The following FAM76A variants were observed in gnomAD, a reference collection of about 807,000 sequenced individuals.
FAM76A encodes family with sequence similarity 76 member A.
Under a neutral mutation model 46.2 loss-of-function variants are expected in FAM76A, and 32 were observed. The ratio of observed to expected loss-of-function variants is 0.69; its 90% CI spans 0.52 to 0.93. The LOEUF is 0.93. FAM76A is among the 40% of genes least tolerant of loss of function. FAM76A has a pLI of 0.00. For missense variants in FAM76A, 274 were observed against 361.5 expected, an observed-to-expected ratio of 0.76 and a Z score of 1.96; for synonymous variants, 137 against 127.0, an observed-to-expected ratio of 1.08 and a Z score of -0.53.
chr1:27,728,549 G>T (rs2087901484), intron 2 of FAM76A, among the ~76,000 whole-genome samples: 2 of 151,384 alleles, frequency 1.3e-5, no homozygotes, highest in African/African-American at 4.9e-5. Flanking sequence ...ATAAGATTTT[G>T]CCATGTTACC....
chr1:27,731,227 A>G (rs116503983), intron 2 of FAM76A, among the ~76,000 whole-genome samples: 4,062 of 133,950 alleles, frequency 0.03, 229 homozygotes, highest in African/African-American at 0.11. Context: ...TTTTTTCGAG[A>G]CACAGTTTTG....
chr1:27,734,976 C>T (rs2088020611), intron 4 of FAM76A, among the ~76,000 whole-genome samples: 2 of 152,226 alleles, frequency 1.3e-5, no homozygotes, highest in African/African-American at 2.4e-5. Flanking sequence ...AAATCCTCCA[C>T]GGGTTTCCAG....
At chr1:27,735,928 T>G (rs1439471021) in intron 4 of FAM76A, among the ~76,000 whole-genome samples, 1 of 152,220 alleles carries the variant, frequency 6.6e-6, no homozygotes, top group African/African-American at 2.4e-5. Context: ...TTCATTACCT[T>G]TCTGCTTTAT....
In FAM76A at chr1:27,760,946, G is replaced by GTTTTTTTTT. The variant is rs202213914; in HGVS notation, c.*374_*382dup. Reference sequence around the variant, plus strand: ...TAATGTGCAGAATGATTTGTTTTTTGTTTTTTTTTTTTTTTTTGGTCCTTC... The same window carrying GTTTTTTTTT: ...TAATGTGCAGAATGATTTGTTTTTTGTTTTTTTTTTTTTTTTTTTTTTTTTTGGTCCTTC... On this transcript the variant is annotated 3_prime_UTR_variant, in exon 9 of 9. Coordinates refer to ENST00000373954, the MANE Select transcript of FAM76A (RefSeq NM_152660.3). 6.0e-5 allele frequency: 2 copies of GTTTTTTTTT among 33,286 alleles called. No individual in the cohort carries two copies. The highest frequency in any genetic ancestry group is 2.3e-4 in the African/African-American group (2 of 8,886). 2.1% of individuals were successfully genotyped at this position (33,286 alleles called of 1,614,324 possible).
chr1:27,748,782 C>A (rs553308096), intron 5 of FAM76A, among the ~76,000 whole-genome samples: 1 of 152,066 alleles, frequency 6.6e-6, no homozygotes, highest in East Asian at 1.9e-4. Context: ...CACCCGGCCT[C>A]TTATTGAAGT....
At position 27,749,061 on chromosome 1, in the gene FAM76A, TTAAAA is replaced by T; in HGVS notation, c.513-6_513-2del. On this transcript the variant is annotated splice_acceptor_variant and splice_polypyrimidine_tract_variant and intron_variant, in intron 5 of 8. Transcript: ENST00000373954. LOFTEE classifies it high-confidence loss of function. The stretch of plus-strand genomic sequence containing the variant: ...AATGTGTGTCTCTCTATTTTTGCCA[TTAAAA>T]GCCAGAAAACACTTTCTACATCTTC... 6.3e-7 allele frequency: 1 copy of T among 1,582,266 alleles called. No individual in the cohort carries two copies. Among genetic ancestry groups the T allele is most frequent in the Non-Finnish European group, 8.6e-7 (1 of 1,168,126 alleles).
intron 2 of FAM76A, among the ~76,000 whole-genome samples, chr1:27,728,847 C>G (rs1245933539): frequency 6.6e-6 from 1 of 151,984 alleles, no homozygotes; most frequent in African/African-American, 2.4e-5. Context: ...ACCTGTAGTC[C>G]CAGCTACTTG....
At position 27,726,058 on chromosome 1, in the gene FAM76A, G is replaced by A; in HGVS notation, c.-23G>A. On this transcript the variant is annotated 5_prime_UTR_variant, in exon 1 of 9. Transcript: ENST00000373954. ...AATCGGCGGGCCGGGCCGGCGGGTC[G>A]GTGAGCGCGGCCCGGGCCGGACATG... 7.3e-6 allele frequency: 9 copies of A among 1,240,178 alleles called. No homozygotes were observed. Among genetic ancestry groups the A allele is most frequent in the Non-Finnish European group, 9.1e-6 (9 of 991,804 alleles). 76.8% of individuals were successfully genotyped at this position (1,240,178 alleles called of 1,614,324 possible). A position where few individuals can be genotyped will look rare whatever the true frequency, so the allele number is the denominator to read the frequency against.
chr1:27,756,042 C>T (rs1293408148), intron 7 of FAM76A, among the ~76,000 whole-genome samples: 2 of 152,138 alleles, frequency 1.3e-5, no homozygotes, highest in African/African-American at 4.8e-5. Context: ...AGTTGGGACA[C>T]GAGGAGGTAG....
intron 1 of FAM76A, among the ~76,000 whole-genome samples, chr1:27,726,491 G>T (rs2087862833): frequency 6.6e-6 from 1 of 152,194 alleles, no homozygotes; most frequent in South Asian, 2.1e-4. Flanking sequence ...CCGCCGCCGC[G>T]GTCTCCCTGG....
At chr1:27,732,540 C>T (rs2087977190) in intron 2 of FAM76A, 63 bp from the exon 3 acceptor site, 1 of 1,487,368 alleles carries the variant, frequency 6.7e-7, no homozygotes, top group Non-Finnish European at 9.3e-7. Flanking sequence ...ATTCCTTGGG[C>T]TTAAGGAGGT....
Position 27,759,607 on chromosome 1 carries a change from G to A in FAM76A, c.817G>A (p.Glu273Lys). ...GAACCAGATGGAGAAAACCCACAAAGAAGTCACAGAACAACTGCAGGTGAC... is the reference window on the plus strand; with the variant it reads ...GAACCAGATGGAGAAAACCCACAAAAAAGTCACAGAACAACTGCAGGTGAC... ...KMNQMEKTHK[E>K]VTEQLQAKNR... is the part of the protein sequence containing the mutation. Residue 273 changes from glutamate (E) to lysine (K), a missense_variant, in exon 8 of 9, where the codon GAA becomes AAA. Physicochemically the swap from Glu to Lys is moderately conservative, Grantham distance 56. Transcript: ENST00000373954. The A allele has an allele frequency of 6.2e-7, 1 of 1,613,396 alleles. No individual in the cohort carries two copies. Among genetic ancestry groups the A allele is most frequent in the Non-Finnish European group, 8.5e-7 (1 of 1,179,650 alleles).
chr1:27,732,729 A>G, intron 3 of FAM76A, 72 bp downstream of exon 3: 2 of 1,114,388 alleles, frequency 1.8e-6, no homozygotes, highest in South Asian at 3.0e-5. Context: ...GTGGCCTACT[A>G]ATGCCATTAC....
At chr1:27,758,679 G>GTTTTT (rs35065746) in intron 7 of FAM76A, among the ~76,000 whole-genome samples, 4 of 111,300 alleles carry the variant, frequency 3.6e-5, no homozygotes, top group African/African-American at 6.1e-5. Flanking sequence ...TTTAATTTTC[G>GTTTTT]TTTTTTTTTT....
chr1:27,730,602 C>G (rs1371970527), intron 2 of FAM76A, among the ~76,000 whole-genome samples: 1 of 152,182 alleles, frequency 6.6e-6, no homozygotes, highest in African/African-American at 2.4e-5. Flanking sequence ...TATTCTACAT[C>G]ACAGAATCAT....
At chr1:27,749,796 A>C (rs2088303169) in intron 6 of FAM76A, among the ~76,000 whole-genome samples, 1 of 152,164 alleles carries the variant, frequency 6.6e-6, no homozygotes, top group South Asian at 2.1e-4. Flanking sequence ...CAAATTTGTG[A>C]GGATCCACAC....
intron 4 of FAM76A, among the ~76,000 whole-genome samples, chr1:27,735,433 T>C (rs2088028285): frequency 6.6e-6 from 1 of 152,188 alleles, no homozygotes; most frequent in African/African-American, 2.4e-5. Context: ...CAATAAGTAT[T>C]TGTTGAATAA....
chr1:27,734,666 G>A (rs558717804), intron 4 of FAM76A, among the ~76,000 whole-genome samples: 5 of 152,292 alleles, frequency 3.3e-5, no homozygotes, highest in Admixed American at 6.5e-5. Flanking sequence ...CATAAAATGT[G>A]GACCATTATA....
intron 4 of FAM76A, chr1:27,739,087 A>G: frequency 3.3e-6 from 1 of 304,916 alleles, no homozygotes; most frequent in East Asian, 9.1e-5. Context: ...ATAGCCCACT[A>G]CACTACAAGG....
Sources: gnomAD v4.1 joint callset for allele counts (sites outside exome capture counted in the v4.1 genomes callset) on GRCh38, gnomAD v4.1.1 for gene constraint, MANE v1.5 for transcripts, NCBI Gene and HGNC (gene_info 2026-07-23, HGNC 2026-07-21) for gene names.